DENND1B: variants seen among roughly 807,000 people sequenced by gnomAD.
DENND1B encodes the protein DENN domain-containing protein 1B.
A neutral mutation model predicts 90.1 loss-of-function variants in DENND1B; 59 were observed. That is an observed-to-expected ratio of 0.65 (90% CI 0.53 to 0.81). DENND1B has a LOEUF of 0.81. Among genes scored for constraint, DENND1B ranks in the 40% least tolerant of loss-of-function variants. DENND1B has a pLI of 0.00. For missense variants in DENND1B, 862 were observed against 912.6 expected, an observed-to-expected ratio of 0.94 and a Z score of 0.71; for synonymous variants, 337 against 324.6, an observed-to-expected ratio of 1.04 and a Z score of -0.41.
intron 3 of DENND1B, among the ~76,000 whole-genome samples, chr1:197,705,417 C>T (rs1214732092): frequency 6.6e-6 from 1 of 152,020 alleles, no homozygotes; most frequent in African/African-American, 2.4e-5. Flanking sequence ...TATGAATGTT[C>T]ACCACCATTA....
At chr1:197,722,897 A>G (rs754220101) in intron 2 of DENND1B, among the ~76,000 whole-genome samples, 1 of 152,220 alleles carries the variant, frequency 6.6e-6, no homozygotes, top group Non-Finnish European at 1.5e-5. Flanking sequence ...TGGTGGAAAT[A>G]AAATTTAATG....
chr1:197,583,143 C>T lies in DENND1B; in HGVS notation c.1149+9G>A. ...CTTACAAAAGAAAAATGTGGAGGTC[C>T]ACTCTTACCTGCTTAAAAAGCTGGA... is the stretch of plus-strand genomic sequence containing the variant. On this transcript the variant is annotated intron_variant, in intron 15 of 22. Transcript: ENST00000620048. 1 of 1,611,170 alleles carries T rather than the reference C, an allele frequency of 6.2e-7. No individual in the cohort carries two copies. The highest frequency in any genetic ancestry group is 8.5e-7 in the Non-Finnish European group (1 of 1,177,590).
In DENND1B at chr1:197,689,307, G is replaced by A. The variant is rs138347912; in HGVS notation, c.127-15138C>T. 2.0e-5 allele frequency among the ~76,000 whole-genome samples: 3 copies of A among 152,114 alleles called. No individual in the cohort carries two copies. The East Asian group carries it at 5.8e-4, about 29-fold the overall frequency. ...ACCTGTTATAAAACCATCAAATCTC[G>A]TGAGACTTACTCACTACCATGAACA... is the stretch of plus-strand genomic sequence containing the variant. On this transcript the variant is annotated intron_variant, in intron 3 of 22. Coordinates refer to ENST00000620048, the MANE Select transcript of DENND1B (RefSeq NM_001195215.2).
intron 2 of DENND1B, chr1:197,747,265 T>A: frequency 1.6e-6 from 1 of 625,934 alleles, no homozygotes; most frequent in Non-Finnish European, 3.0e-6. Context: ...TTCATAGGCA[T>A]TTACATTCGA....
At chr1:197,620,472 G>A (rs1678055791) in intron 10 of DENND1B, among the ~76,000 whole-genome samples, 2 of 151,132 alleles carry the variant, frequency 1.3e-5, no homozygotes, top group Non-Finnish European at 3.0e-5. Flanking sequence ...TTCTCTCATA[G>A]ATCAAACATT....
At chr1:197,753,520 A>G (rs1653838787) in intron 2 of DENND1B, among the ~76,000 whole-genome samples, 1 of 152,012 alleles carries the variant, frequency 6.6e-6, no homozygotes, top group Non-Finnish European at 1.5e-5. Context: ...ATACAACATG[A>G]TAAGTGATCC....
chr1:197,761,094 T>C (rs1264397088), intron 2 of DENND1B, among the ~76,000 whole-genome samples: 1 of 152,200 alleles, frequency 6.6e-6, no homozygotes, highest in African/African-American at 2.4e-5. Context: ...GTGATTACTC[T>C]GCAGGTATTC....
chr1:197,728,444 A>T (rs908498526), intron 2 of DENND1B, among the ~76,000 whole-genome samples: 1 of 152,158 alleles, frequency 6.6e-6, no homozygotes, highest in Non-Finnish European at 1.5e-5. Context: ...CAATTTTCCC[A>T]ATGACTTGAT....
At chr1:197,747,121 C>T (rs1652802737) in intron 2 of DENND1B, 3 of 766,244 alleles carry the variant, frequency 3.9e-6, no homozygotes, top group Non-Finnish European at 7.1e-6. Flanking sequence ...TTTTTCATTC[C>T]TCAATTTATC....
intron 3 of DENND1B, chr1:197,689,161 T>G (rs1036419796): frequency 1.3e-5 from 2 of 152,576 alleles, no homozygotes; most frequent in African/African-American, 4.8e-5. Context: ...GGAGGTTTAA[T>G]GGACTCACAG....
At chr1:197,701,551 G>A (rs1400614337) in intron 3 of DENND1B, among the ~76,000 whole-genome samples, 3 of 151,152 alleles carry the variant, frequency 2.0e-5, no homozygotes, top group African/African-American at 4.9e-5. Flanking sequence ...CCCCTTCCCC[G>A]GCTTTTTTTT....
At chr1:197,688,473 A>T (rs1288196595) in intron 3 of DENND1B, among the ~76,000 whole-genome samples, 1 of 152,148 alleles carries the variant, frequency 6.6e-6, no homozygotes, top group South Asian at 2.1e-4. Flanking sequence ...AAAGACAGAC[A>T]TATAACCAAT....
intron 15 of DENND1B, among the ~76,000 whole-genome samples, chr1:197,561,435 T>G (rs1263177721): frequency 6.6e-6 from 1 of 151,910 alleles, no homozygotes; most frequent in East Asian, 1.9e-4. Context: ...GTTCATCCAC[T>G]CTTTCATAAC....
At chr1:197,742,723 G>A (rs186899646) in intron 2 of DENND1B, among the ~76,000 whole-genome samples, 26 of 152,188 alleles carry the variant, frequency 1.7e-4, no homozygotes, top group Admixed American at 4.6e-4. Context: ...TCTGAGCAGC[G>A]GAAAAAGAGA....
At chr1:197,752,945 C>T (rs1251240682) in intron 2 of DENND1B, among the ~76,000 whole-genome samples, 1 of 151,896 alleles carries the variant, frequency 6.6e-6, no homozygotes, top group Non-Finnish European at 1.5e-5. Flanking sequence ...TCATCCATGT[C>T]CCTGCAAAGG....
chr1:197,628,931 C>T (rs1679057336), intron 10 of DENND1B, among the ~76,000 whole-genome samples: 1 of 152,078 alleles, frequency 6.6e-6, no homozygotes, highest in Admixed American at 6.6e-5. Context: ...AAAAAATGCT[C>T]ACCATCACTG....
chr1:197,658,224 TA>T, intron 6 of DENND1B, 75 bp downstream of exon 6: 2 of 1,207,386 alleles, frequency 1.7e-6, no homozygotes, highest in Non-Finnish European at 2.4e-6. Flanking sequence ...ACTATACACT[TA>T]AAAATGGTTA....
intron 19 of DENND1B, among the ~76,000 whole-genome samples, chr1:197,540,636 T>C (rs1443494253): frequency 6.6e-6 from 1 of 152,154 alleles, no homozygotes; most frequent in African/African-American, 2.4e-5. Flanking sequence ...AAGATATCTT[T>C]TAAAAATATT....
At chr1:197,625,461 T>C (rs1045045745) in intron 10 of DENND1B, among the ~76,000 whole-genome samples, 7 of 151,958 alleles carry the variant, frequency 4.6e-5, no homozygotes, top group African/African-American at 1.2e-4. Flanking sequence ...GACAAGCAAA[T>C]GCTGAGAGAT....
Sources: gnomAD v4.1 joint callset for allele counts (sites outside exome capture counted in the v4.1 genomes callset) on GRCh38, gnomAD v4.1.1 for gene constraint, MANE v1.5 for transcripts, NCBI Gene and HGNC (gene_info 2026-07-23, HGNC 2026-07-21) for gene names.